Variants in ZPBP observed in about 807,000 individuals in gnomAD.
ZPBP encodes the protein zona pellucida binding protein, also known as zona pellucida-binding protein 1.
A neutral mutation model predicts 44.8 loss-of-function variants in ZPBP; 26 were observed. The ratio of observed to expected loss-of-function variants is 0.58; its 90% confidence interval spans 0.43 to 0.81. The LOEUF is 0.81. ZPBP is among the 30% of genes least tolerant of loss of function. The pLI, the probability that ZPBP is intolerant of heterozygous loss-of-function variation, is 0.00. For missense variants in ZPBP, 409 were observed against 434.0 expected (o/e 0.94, Z 0.51); for synonymous variants, 174 against 153.2 (o/e 1.14, Z -1.00).
downstream of ZPBP, among the ~76,000 whole-genome samples, chr7:49,846,619 T>C (rs986158375): frequency 2.0e-5 from 3 of 152,206 alleles, no homozygotes; most frequent in Admixed American, 2.0e-4. Context: ...TACACTGTTA[T>C]TATTATTGCC....
At position 49,906,511 on chromosome 7, in the gene ZPBP, T is replaced by G. The variant is rs1209660226; in HGVS notation, n.412-5296A>C. On this transcript the variant is annotated intron_variant and non_coding_transcript_variant, in intron 1 of 2. Transcript: ENST00000465922. ...CCACCACACCCAGCTAATTTTTTTG[T>G]ATTTTTACTATAGATGGGGTTTCAC... is the stretch of plus-strand genomic sequence containing the variant. Among the ~76,000 whole-genome samples, 3 of 152,158 alleles carry G rather than the reference T, an allele frequency of 2.0e-5. No individual in the cohort carries two copies. In the East Asian group the frequency reaches 5.8e-4, roughly 29 times the overall value.
intron 5 of ZPBP, among the ~76,000 whole-genome samples, chr7:50,019,856 T>TG (rs1465144099): frequency 1.3e-5 from 2 of 151,982 alleles, no homozygotes; most frequent in African/African-American, 4.8e-5. Flanking sequence ...GTCACAGACT[T>TG]GGGGGAGAAA....
intron 2 of ZPBP, among the ~76,000 whole-genome samples, chr7:49,875,573 C>T (rs956087195): frequency 4.0e-5 from 6 of 151,722 alleles, no homozygotes; most frequent in Non-Finnish European, 4.4e-5. Context: ...GAAAGGTGGT[C>T]AGGGGTGCAG....
chr7:49,991,370 G>A (rs35688908), intron 6 of ZPBP, among the ~76,000 whole-genome samples: 5,162 of 152,130 alleles, frequency 0.034, 121 homozygotes, highest in Non-Finnish European at 0.051. Context: ...TGAATTAGGC[G>A]GAGATATATG....
chr7:49,854,976 G>C (rs1448756125), intron 2 of ZPBP, among the ~76,000 whole-genome samples: 1 of 152,222 alleles, frequency 6.6e-6, no homozygotes, highest in Admixed American at 6.5e-5. Flanking sequence ...TTTGTCATAA[G>C]AGTAGTGCCA....
chr7:49,912,307 G>A, intron 1 of ZPBP: 4 of 1,053,322 alleles, frequency 3.8e-6, no homozygotes, highest in Non-Finnish European at 5.3e-6. Flanking sequence ...GAAAATTGTT[G>A]GTACTTTTCC....
At chr7:49,842,893 T>C in the ZPBP span, among the ~76,000 whole-genome samples, 1 of 152,172 alleles carries the variant, frequency 6.6e-6, no homozygotes, top group African/African-American at 2.4e-5. Flanking sequence ...CCGTTTCTGT[T>C]TTTTTTCCAA....
chr7:49,869,358 G>T lies in ZPBP; in HGVS notation n.510-18844C>A, dbSNP rs898948902. Among the ~76,000 whole-genome samples, 8 of 152,256 alleles carry T rather than the reference G, an allele frequency of 5.3e-5. No homozygotes were observed. In the East Asian group the frequency reaches 1.2e-3, roughly 22 times the overall value. ...AGTAATACTGAACAAGGTCTGAAAG[G>T]GTGGGTTCATCTGGCCAGGAGGAGA... On this transcript the variant is annotated intron_variant and non_coding_transcript_variant, in intron 2 of 2. Coordinates refer to the ZPBP transcript ENST00000465922.
At chr7:50,089,750 T>C in intron 1 of ZPBP, 41 bp from the exon 2 acceptor site, 2 of 1,459,598 alleles carry the variant, frequency 1.4e-6, no homozygotes, top group Non-Finnish European at 1.9e-6. Context: ...CATTAGATAT[T>C]CTAAAATATT....
chr7:49,872,739 C>G (rs1202915159), intron 2 of ZPBP, among the ~76,000 whole-genome samples: 1 of 118,028 alleles, frequency 8.5e-6, no homozygotes, highest in East Asian at 2.7e-4. Context: ...AACCCCGTCT[C>G]TACAAAAAAT....
At chr7:50,021,771 T>C (rs765583765) in intron 5 of ZPBP, among the ~76,000 whole-genome samples, 1 of 152,136 alleles carries the variant, frequency 6.6e-6, no homozygotes, top group Non-Finnish European at 1.5e-5. Context: ...GCAGAGATAC[T>C]GGGTGGTGGT....
chr7:50,033,093 C>T (rs1799675003), intron 4 of ZPBP, among the ~76,000 whole-genome samples: 1 of 151,444 alleles, frequency 6.6e-6, no homozygotes, highest in Non-Finnish European at 1.5e-5. Flanking sequence ...TTTCCAGAGT[C>T]AAGAAAGCTT....
chr7:50,027,083 A>G (rs915591481), intron 5 of ZPBP, among the ~76,000 whole-genome samples: 1 of 151,928 alleles, frequency 6.6e-6, no homozygotes, highest in African/African-American at 2.4e-5. Context: ...CCCCCCTCAT[A>G]AATATGTATA....
chr7:50,085,591 T>C (rs1007984095), intron 2 of ZPBP, among the ~76,000 whole-genome samples: 1 of 152,074 alleles, frequency 6.6e-6, no homozygotes, highest in African/African-American at 2.4e-5. Flanking sequence ...GTATGCGAAC[T>C]GTCAGTCAAC....
chr7:49,937,120 A>G (rs1287370903), downstream of ZPBP, among the ~76,000 whole-genome samples: 2 of 152,222 alleles, frequency 1.3e-5, no homozygotes, highest in Non-Finnish European at 2.9e-5. Context: ...ACTAGAATGA[A>G]TAAAATCCTA....
chr7:49,899,118 C>A (rs1169599451), intron 2 of ZPBP, among the ~76,000 whole-genome samples: 1 of 151,974 alleles, frequency 6.6e-6, no homozygotes, highest in Non-Finnish European at 1.5e-5. Flanking sequence ...CATAGACTAT[C>A]CCCCCTTATC....
intron 4 of ZPBP, among the ~76,000 whole-genome samples, chr7:50,052,194 C>A (rs185398635): frequency 2.0e-5 from 3 of 151,784 alleles, no homozygotes; most frequent in Admixed American, 1.3e-4. Flanking sequence ...ATATATCCAA[C>A]AAAGAAAGAG....
At chr7:50,069,378 T>C (rs1035612583) in intron 3 of ZPBP, among the ~76,000 whole-genome samples, 1 of 152,158 alleles carries the variant, frequency 6.6e-6, no homozygotes, top group Admixed American at 6.5e-5. Context: ...TTTAACTCTG[T>C]AGCTGCCAGC....
intron 7 of ZPBP, among the ~76,000 whole-genome samples, chr7:49,939,674 T>A (rs990644047): frequency 2.6e-5 from 4 of 151,994 alleles, no homozygotes; most frequent in Non-Finnish European, 5.9e-5. Flanking sequence ...AATATTAAAA[T>A]TAAGAAATTA....
Sources: allele counts gnomAD v4.1 joint callset (sites outside exome capture counted in the v4.1 genomes callset), GRCh38; gene constraint gnomAD v4.1.1; transcripts MANE v1.5; gene names NCBI Gene and HGNC (gene_info 2026-07-23, HGNC 2026-07-21).